POU2F3: variants seen among roughly 807,000 people sequenced by gnomAD.
POU2F3 encodes POU domain, class 2, transcription factor 3.
POU2F3 carries 23 observed loss-of-function variants against 59.2 expected under a neutral mutation model. The observed-to-expected ratio is 0.39, with a 90% CI of 0.28 to 0.55. The LOEUF is 0.55. Ranked by LOEUF, POU2F3 falls within the 20% of genes least tolerant of loss-of-function variation. The probability of loss-of-function intolerance (pLI) is 0.66; values close to 1 mark genes in which losing one functional copy is unlikely to be tolerated. For synonymous variants in POU2F3, 190 were observed against 214.6 expected (o/e 0.89, Z 1.00); for missense variants, 473 against 544.5 (o/e 0.87, Z 1.31).
chr11:120,282,646 G>A (rs1405464524), intron 3 of POU2F3, among the ~76,000 whole-genome samples: 2 of 151,868 alleles, frequency 1.3e-5, no homozygotes, highest in Non-Finnish European at 2.9e-5. Flanking sequence ...ACAGAGACTC[G>A]GTCTCAAAAA....
chr11:120,291,806 CTTTTTTCT>C (rs1455474422), intron 3 of POU2F3, among the ~76,000 whole-genome samples: 1 of 133,656 alleles, frequency 7.5e-6, no homozygotes, highest in African/African-American at 3.1e-5. Flanking sequence ...AATTTCTTTT[CTTTTTTCT>C]TTTTTTTTTT....
chr11:120,239,580 C>T (rs886765818), upstream of POU2F3, among the ~76,000 whole-genome samples: 6 of 152,152 alleles, frequency 3.9e-5, no homozygotes, highest in African/African-American at 1.4e-4. Context: ...AACTGCACCC[C>T]GTCTAAATCC....
chr11:120,266,880 T>C (rs888166453), intron 2 of POU2F3, among the ~76,000 whole-genome samples: 5 of 152,234 alleles, frequency 3.3e-5, no homozygotes, highest in Admixed American at 6.5e-5. Context: ...TTCCTTCTTC[T>C]CCAATATTGT....
intron 2 of POU2F3, among the ~76,000 whole-genome samples, chr11:120,255,250 C>T (rs1315607144): frequency 3.3e-5 from 5 of 152,164 alleles, no homozygotes; most frequent in African/African-American, 9.6e-5. Flanking sequence ...GGTAGGCTGG[C>T]GTATCTGGAC....
At chr11:120,279,215 G>A (rs1357234883) in intron 3 of POU2F3, among the ~76,000 whole-genome samples, 1 of 152,086 alleles carries the variant, frequency 6.6e-6, no homozygotes, top group East Asian at 1.9e-4. Flanking sequence ...TGTCTCGGGA[G>A]GAGGCCGTGT....
intron 3 of POU2F3, among the ~76,000 whole-genome samples, chr11:120,274,108 A>AAAGGAAGGAAGG (rs58202053): frequency 0.11 from 12,705 of 115,818 alleles, 870 homozygotes; most frequent in Non-Finnish European, 0.14. Flanking sequence ...AGGAAGGAAG[A>AAAGGAAGGAAGG]AAGGAAGGAA....
chr11:120,269,914 T>C (rs139455522), intron 3 of POU2F3, among the ~76,000 whole-genome samples: 7 of 151,978 alleles, frequency 4.6e-5, no homozygotes, highest in Non-Finnish European at 7.4e-5. Context: ...TGGAGGCTGA[T>C]GGGAAGATGG....
At position 120,285,461 on chromosome 11, in the gene POU2F3, C is replaced by T. The variant is rs1940744758; in HGVS notation, c.133-12804C>T. Among the ~76,000 whole-genome samples the T allele has an allele frequency of 1.3e-5, 2 of 152,202 alleles. No individual in the cohort carries two copies. Among genetic ancestry groups the T allele is most frequent in the Non-Finnish European group, 2.9e-5 (2 of 68,028 alleles). On this transcript the variant is annotated intron_variant, in intron 3 of 12. Coordinates refer to ENST00000543440, the MANE Select transcript of POU2F3 (RefSeq NM_014352.4). The surrounding 1 kb of genome is among the most constrained non-coding windows in gnomAD (Gnocchi z 4.3). ...TTGAGAAGAGTCATCACCCTGAAAT[C>T]ATCCCTTTTCTGTGTAAATATCCTG... is the stretch of plus-strand genomic sequence containing the variant.
chr11:120,319,438 C>G lies in POU2F3; in HGVS notation c.*1046C>G, dbSNP rs4938797. ...CCCACATGGGCTGGGATTTTTTTTT[C>G]TTTTTCTTTTTTTTTTTTTTTTTTG... On this transcript the variant is annotated 3_prime_UTR_variant, in exon 13 of 13. Transcript: ENST00000543440. 2 of 132,888 alleles carry G rather than the reference C, an allele frequency of 1.5e-5. No homozygotes were observed. Among genetic ancestry groups the G allele is most frequent in the African/African-American group, 2.8e-5 (1 of 35,702 alleles). 8.2% of individuals were successfully genotyped at this position (132,888 alleles called of 1,614,324 possible). A position where few individuals can be genotyped will look rare whatever the true frequency, so the allele number is the denominator to read the frequency against.
rs373394231 is a variant in POU2F3, at chr11:120,307,574, G to A, written c.865G>A (p.Glu289Lys). The A allele has an allele frequency of 6.2e-6, 10 of 1,614,034 alleles. No homozygotes were observed. The highest frequency in any genetic ancestry group is 1.7e-5 in the Admixed American group (1 of 60,006). Reference protein sequence around the residue: ...GRKRKKRTSIETNIRLTLEKR... With the variant: ...GRKRKKRTSIKTNIRLTLEKR... Reference sequence around the variant, plus strand: ...GAAGAGAAAGAAACGGACCAGCATCGAGACCAACATCCGCCTGACTCTGGA... The same window carrying A: ...GAAGAGAAAGAAACGGACCAGCATCAAGACCAACATCCGCCTGACTCTGGA... Residue 289 changes from glutamate to lysine, a missense_variant, in exon 9 of 13, where the codon GAG (glutamate) becomes AAG (lysine). Transcript: ENST00000543440.
chr11:120,255,067 C>A (rs1435052481), intron 2 of POU2F3: 6 of 152,474 alleles, frequency 3.9e-5, no homozygotes, highest in Admixed American at 2.0e-4. Context: ...CCACCAAAGC[C>A]CCCCATGTGT....
chr11:120,288,998 C>T (rs1194966845), intron 3 of POU2F3, among the ~76,000 whole-genome samples: 4 of 152,268 alleles, frequency 2.6e-5, no homozygotes, highest in East Asian at 3.9e-4. Context: ...TATATAGACA[C>T]GTGACGTTTT....
intron 3 of POU2F3, among the ~76,000 whole-genome samples, chr11:120,274,032 A>G (rs869143697): frequency 6.6e-6 from 1 of 151,470 alleles, no homozygotes; most frequent in Non-Finnish European, 1.5e-5. Context: ...AAAGAAAAAA[A>G]AGAGAGAGAG....
At chr11:120,269,118 C>A in intron 2 of POU2F3, 92 bp from the exon 3 acceptor site, 1 of 960,126 alleles carries the variant, frequency 1.0e-6, no homozygotes, top group Admixed American at 2.2e-5. Flanking sequence ...CAAAATAGAG[C>A]CACACGCCTC....
chr11:120,286,828 T>C (rs1056122185), intron 3 of POU2F3, among the ~76,000 whole-genome samples: 82 of 152,308 alleles, frequency 5.4e-4, no homozygotes, highest in African/African-American at 1.9e-3. Flanking sequence ...GAGCTTTTTT[T>C]TTTGTGAATC....
In POU2F3 at chr11:120,263,180, C is replaced by T. The variant is rs142071325; in HGVS notation, c.98-6030C>T. Among the ~76,000 whole-genome samples the T allele has an allele frequency of 2.6e-3, 391 of 152,002 alleles. 3 individuals carry two copies. Among genetic ancestry groups the T allele is most frequent in the African/African-American group, 8.4e-3 (348 of 41,462 alleles). On this transcript the variant is annotated intron_variant, in intron 2 of 12. Coordinates refer to ENST00000543440, the MANE Select transcript of POU2F3 (RefSeq NM_014352.4). ...CTAATTTTTGTATTTTTAGTAGAGA[C>T]GTCGTTTCACCATGTTGATCAGGCT... is the stretch of plus-strand genomic sequence containing the variant.
At chr11:120,306,408 A>G (rs1343400954) in intron 8 of POU2F3, among the ~76,000 whole-genome samples, 1 of 152,068 alleles carries the variant, frequency 6.6e-6, no homozygotes, top group East Asian at 1.9e-4. Context: ...AGCATACAGG[A>G]TGGGGCTTCT....
At chr11:120,273,412 T>C (rs934510405) in intron 3 of POU2F3, among the ~76,000 whole-genome samples, 1 of 151,804 alleles carries the variant, frequency 6.6e-6, no homozygotes, top group Non-Finnish European at 1.5e-5. Flanking sequence ...GAGGGAAGAG[T>C]AGGGCTTTGA....
rs1591440870 is a variant in POU2F3, at chr11:120,307,584, T to C, written c.875T>C (p.Ile292Thr). 6.2e-7 allele frequency: 1 copy of C among 1,613,532 alleles called. No homozygotes were observed. Among genetic ancestry groups the C allele is most frequent in the Non-Finnish European group, 8.5e-7 (1 of 1,179,724 alleles). Residue 292 changes from isoleucine to threonine, a missense_variant, in exon 9 of 13, where the codon ATC (isoleucine) becomes ACC (threonine). Transcript: ENST00000543440. ...AAACGGACCAGCATCGAGACCAACA[T>C]CCGCCTGACTCTGGAGAAGAGGTTT... Reference protein sequence around the residue: ...RKKRTSIETNIRLTLEKRFQD... With the variant: ...RKKRTSIETNTRLTLEKRFQD...
Sources: gnomAD v4.1 joint callset for allele counts (sites outside exome capture counted in the v4.1 genomes callset) on GRCh38, gnomAD v4.1.1 for gene constraint, Gnocchi (gnomAD v3.1) non-coding constraint, MANE v1.5 for transcripts, NCBI Gene and HGNC (gene_info 2026-07-23, HGNC 2026-07-21) for gene names.